SCFD2: variants seen among roughly 807,000 people sequenced by gnomAD.
The protein encoded by SCFD2 is sec1 family domain-containing protein 2.
A neutral mutation model predicts 58.9 loss-of-function variants in SCFD2; 54 were observed. The observed-to-expected ratio is 0.92, with a 90% CI of 0.74 to 1.15. The LOEUF is 1.15. Among genes scored for constraint, SCFD2 ranks in the 50% most tolerant of loss-of-function variants. The pLI is 0.00. For missense variants in SCFD2, 805 were observed against 836.6 expected (o/e 0.96, Z 0.47); for synonymous variants, 321 against 335.9 (o/e 0.96, Z 0.49).
At chr4:53,127,375 G>A (rs1725657416) in intron 5 of SCFD2, among the ~76,000 whole-genome samples, 1 of 152,104 alleles carries the variant, frequency 6.6e-6, no homozygotes, top group South Asian at 2.1e-4. Context: ...CTTTATTCAT[G>A]CAATAAATAT....
At chr4:53,061,563 T>C (rs1337432370) in intron 5 of SCFD2, among the ~76,000 whole-genome samples, 1 of 152,160 alleles carries the variant, frequency 6.6e-6, no homozygotes, top group African/African-American at 2.4e-5. Flanking sequence ...TCAGAAGGGC[T>C]TTTAAGAGTA....
intron 2 of SCFD2, among the ~76,000 whole-genome samples, chr4:53,349,837 A>C (rs2149160522): frequency 6.6e-6 from 1 of 152,250 alleles, no homozygotes; most frequent in East Asian, 1.9e-4. Context: ...TGGGGAGCTT[A>C]CTTATTTTTT....
intron 3 of SCFD2, among the ~76,000 whole-genome samples, chr4:53,292,701 G>A (rs1474700418): frequency 1.3e-5 from 2 of 152,148 alleles, no homozygotes; most frequent in Admixed American, 6.5e-5. Flanking sequence ...ACATTACTGG[G>A]TATATACCCA....
intron 4 of SCFD2, among the ~76,000 whole-genome samples, chr4:53,170,711 A>G (rs1208828889): frequency 6.6e-6 from 1 of 152,082 alleles, no homozygotes; most frequent in East Asian, 1.9e-4. Flanking sequence ...TATTATTTTC[A>G]TCAATGTCTT....
At chr4:53,236,546 G>C (rs4864737) in intron 4 of SCFD2, among the ~76,000 whole-genome samples, 67,465 of 149,318 alleles carry the variant, frequency 0.45, 16,187 homozygotes, top group Admixed American at 0.53. Context: ...GTTTTAAATG[G>C]TGCTTCTTGT....
At chr4:53,001,385 C>T (rs1721862312) in intron 5 of SCFD2, among the ~76,000 whole-genome samples, 1 of 152,126 alleles carries the variant, frequency 6.6e-6, no homozygotes, top group Non-Finnish European at 1.5e-5. Context: ...ACTGATTTGC[C>T]TTTTACCGAA....
intron 5 of SCFD2, among the ~76,000 whole-genome samples, chr4:53,025,277 A>C (rs1156853235): frequency 6.6e-6 from 1 of 152,242 alleles, no homozygotes; most frequent in Non-Finnish European, 1.5e-5. Flanking sequence ...CCAAGTTATC[A>C]TGAATGAAGC....
chr4:53,015,967 G>A (rs1322300354), intron 5 of SCFD2, among the ~76,000 whole-genome samples: 1 of 152,156 alleles, frequency 6.6e-6, no homozygotes, highest in Non-Finnish European at 1.5e-5. Flanking sequence ...AGATGTTTTT[G>A]ACTGAAGTTC....
intron 5 of SCFD2, among the ~76,000 whole-genome samples, chr4:52,992,678 C>G (rs957694330): frequency 2.6e-5 from 4 of 152,166 alleles, no homozygotes; most frequent in Non-Finnish European, 5.9e-5. Flanking sequence ...GCCTGGCCGC[C>G]ACCCCATCTG....
chr4:53,294,623 T>C (rs773985142), intron 3 of SCFD2, among the ~76,000 whole-genome samples: 1 of 152,344 alleles, frequency 6.6e-6, no homozygotes, highest in East Asian at 1.9e-4. Context: ...TTCTTTACTG[T>C]GCAGAAGCTC....
chr4:53,356,731 C>CT (rs369411706), intron 1 of SCFD2, among the ~76,000 whole-genome samples: 21,456 of 112,742 alleles, frequency 0.19, 3,013 homozygotes, highest in Non-Finnish European at 0.24. Context: ...AACTTGTAGA[C>CT]TTTTTTTTTT....
intron 7 of SCFD2, among the ~76,000 whole-genome samples, chr4:52,902,714 T>C (rs1044796760): frequency 1.3e-5 from 2 of 152,212 alleles, no homozygotes; most frequent in African/African-American, 4.8e-5. Context: ...ATTCTCATAA[T>C]AGCCCCCCAA....
At chr4:53,169,419 T>C (rs1430073734) in intron 4 of SCFD2, among the ~76,000 whole-genome samples, 1 of 152,150 alleles carries the variant, frequency 6.6e-6, no homozygotes, top group African/African-American at 2.4e-5. Flanking sequence ...TGTGTACATA[T>C]ATACCATGTT....
At chr4:52,900,129 T>C (rs1409110044) in intron 7 of SCFD2, among the ~76,000 whole-genome samples, 2 of 152,210 alleles carry the variant, frequency 1.3e-5, no homozygotes, top group Non-Finnish European at 2.9e-5. Flanking sequence ...TTTGATCTTC[T>C]GCAGCCTTCC....
At chr4:52,992,676 G>A (rs1721642859) in intron 5 of SCFD2, among the ~76,000 whole-genome samples, 1 of 151,980 alleles carries the variant, frequency 6.6e-6, no homozygotes, top group Non-Finnish European at 1.5e-5. Context: ...CTGCCTGGCC[G>A]CCACCCCATC....
intron 3 of SCFD2, among the ~76,000 whole-genome samples, chr4:53,286,140 A>C (rs926143544): frequency 1.3e-5 from 2 of 152,084 alleles, no homozygotes; most frequent in South Asian, 2.1e-4. Flanking sequence ...CACCCCACTG[A>C]GGTAAAGTTC....
chr4:52,896,593 A>T (rs1184225552), intron 7 of SCFD2, among the ~76,000 whole-genome samples: 1 of 152,166 alleles, frequency 6.6e-6, no homozygotes, highest in Non-Finnish European at 1.5e-5. Context: ...GTCAGGTAGC[A>T]TGATGCCTCC....
At position 53,315,151 on chromosome 4, in the gene SCFD2, T is replaced by C. The variant is rs1560443270; in HGVS notation, c.1008-1388A>G. ...GCTGGGAGGATAGGGACTGAAGGAA[T>C]GATTTCTACTGGAAATGATGAGCAA... On this transcript the variant is annotated intron_variant, in intron 2 of 8. Transcript: ENST00000401642. Among the ~76,000 whole-genome samples, 4 of 150,592 alleles carry C rather than the reference T, an allele frequency of 2.7e-5. No homozygotes were observed. In the South Asian group the frequency reaches 8.3e-4, roughly 31 times the overall value.
At chr4:53,301,188 T>G (rs574427558) in intron 3 of SCFD2, among the ~76,000 whole-genome samples, 63 of 151,816 alleles carry the variant, frequency 4.1e-4, no homozygotes, top group African/African-American at 1.5e-3. Context: ...ATCAACAAAA[T>G]TGATAGACCG....
Sources: gnomAD v4.1 joint callset for allele counts (sites outside exome capture counted in the v4.1 genomes callset) on GRCh38, gnomAD v4.1.1 for gene constraint, MANE v1.5 for transcripts, NCBI Gene and HGNC (gene_info 2026-07-23, HGNC 2026-07-21) for gene names.